CDK17: variants seen among roughly 807,000 people sequenced by gnomAD.
CDK17 encodes the protein cyclin dependent kinase 17, also known as cyclin-dependent kinase 17.
CDK17 carries 24 observed loss-of-function variants against 77.6 expected under a neutral mutation model. The ratio of observed to expected loss-of-function variants is 0.31; its 90% CI spans 0.22 to 0.44. The LOEUF is 0.44. CDK17 is among the 20% of genes least tolerant of loss of function. The pLI is 1.00. For synonymous variants in CDK17, 203 were observed against 210.4 expected (o/e 0.96, Z 0.30); for missense variants, 429 against 622.5 (o/e 0.69, Z 3.31).
At chr12:96,386,842 G>A (rs767027204) in intron 1 of CDK17, 1 of 163,952 alleles carries the variant, frequency 6.1e-6, no homozygotes, top group Non-Finnish European at 1.4e-5. Context: ...ATTACCACCA[G>A]GACCCCCTCT....
At position 96,289,405 on chromosome 12, in the gene CDK17, G is replaced by A; in HGVS notation, c.998-118C>T. 9 of 1,075,934 alleles carry A rather than the reference G, an allele frequency of 8.4e-6. No homozygotes were observed. In the South Asian group the frequency reaches 1.3e-4, roughly 16 times the overall value. 66.6% of individuals were successfully genotyped at this position (1,075,934 alleles called of 1,614,324 possible). A position where few individuals can be genotyped will look rare whatever the true frequency, so the allele number is the denominator to read the frequency against. On this transcript the variant is annotated intron_variant, in intron 10 of 16. Transcript: ENST00000261211. ...TGAAATGGTTAATTCGTAGCTTCTT[G>A]AGGCTTCACCACTATTAACTTTATG...
At chr12:96,337,095 T>C (rs896455064) in intron 1 of CDK17, among the ~76,000 whole-genome samples, 2 of 152,166 alleles carry the variant, frequency 1.3e-5, no homozygotes, top group African/African-American at 4.8e-5. Flanking sequence ...TAACAGTCTC[T>C]GTAGGAGCAG....
intron 10 of CDK17, among the ~76,000 whole-genome samples, chr12:96,292,992 T>C (rs1952346724): frequency 6.6e-6 from 1 of 152,202 alleles, no homozygotes; most frequent in African/African-American, 2.4e-5. Flanking sequence ...TTGAAAATTA[T>C]CAAAGACCTA....
intron 2 of CDK17, among the ~76,000 whole-genome samples, chr12:96,332,344 T>C (rs905027500): frequency 6.6e-6 from 1 of 152,238 alleles, no homozygotes; most frequent in Non-Finnish European, 1.5e-5. Context: ...GCTAGCATTA[T>C]GCTACTATTT....
At chr12:96,390,578 G>A (rs536101257) in intron 1 of CDK17, among the ~76,000 whole-genome samples, 2 of 149,584 alleles carry the variant, frequency 1.3e-5, no homozygotes, top group Non-Finnish European at 3.0e-5. Flanking sequence ...ACACAATGGC[G>A]TGCACCTGTA....
chr12:96,350,757 C>T (rs1440733453), intron 1 of CDK17, among the ~76,000 whole-genome samples: 1 of 152,100 alleles, frequency 6.6e-6, no homozygotes, highest in African/African-American at 2.4e-5. Flanking sequence ...AGAGTTAAAA[C>T]TGTAAAACTC....
intron 2 of CDK17, among the ~76,000 whole-genome samples, chr12:96,328,369 G>A (rs1952918021): frequency 6.6e-6 from 1 of 152,024 alleles, no homozygotes; most frequent in Non-Finnish European, 1.5e-5. Flanking sequence ...AATATACTAT[G>A]CTTGAATCAT....
At chr12:96,336,839 C>T (rs2137146710) in intron 1 of CDK17, among the ~76,000 whole-genome samples, 1 of 152,256 alleles carries the variant, frequency 6.6e-6, no homozygotes, top group South Asian at 2.1e-4. Context: ...AAATTCTCCA[C>T]CTCAGCATCT....
chr12:96,297,008 A>G (rs1225549668), intron 9 of CDK17, among the ~76,000 whole-genome samples: 1 of 152,140 alleles, frequency 6.6e-6, no homozygotes, highest in African/African-American at 2.4e-5. Flanking sequence ...ACCTGTACAT[A>G]TATTCTATAT....
intron 1 of CDK17, among the ~76,000 whole-genome samples, chr12:96,390,573 A>G (rs1388603939): frequency 1.3e-5 from 2 of 150,010 alleles, no homozygotes; most frequent in Admixed American, 6.6e-5. Context: ...GCCAGACACA[A>G]TGGCGTGCAC....
intron 1 of CDK17, among the ~76,000 whole-genome samples, chr12:96,397,267 C>T (rs1954187700): frequency 6.6e-6 from 1 of 151,808 alleles, no homozygotes; most frequent in South Asian, 2.1e-4. Context: ...CCCTGTGCTA[C>T]CGGGCAAATA....
chr12:96,288,169 T>A (rs563682760), intron 11 of CDK17, among the ~76,000 whole-genome samples: 16 of 152,298 alleles, frequency 1.1e-4, no homozygotes, highest in African/African-American at 3.4e-4. Context: ...CTTAAATTGG[T>A]TAAAATGATA....
chr12:96,389,286 T>C (rs777964395), intron 1 of CDK17, among the ~76,000 whole-genome samples: 3 of 152,054 alleles, frequency 2.0e-5, no homozygotes, highest in Non-Finnish European at 2.9e-5. Context: ...AGAGTTAAAA[T>C]AACGAGCTTA....
At chr12:96,373,495 G>C (rs1953726769) in intron 1 of CDK17, among the ~76,000 whole-genome samples, 1 of 152,204 alleles carries the variant, frequency 6.6e-6, no homozygotes, top group African/African-American at 2.4e-5. Context: ...TAGGGAGGCT[G>C]AGGCAGGGGA....
rs755180409 is a variant in CDK17 at position 96,297,283 on chromosome 12, A to G, written c.860T>C (p.Met287Thr). 3.7e-6 allele frequency: 6 copies of G among 1,609,832 alleles called. No homozygotes were observed. The highest frequency in any genetic ancestry group is 5.1e-6 in the Non-Finnish European group (6 of 1,177,218). Residue 287 changes from methionine (M) to threonine (T), a missense_variant, in exon 9 of 17, where the codon ATG becomes ACG. This residue lies in a region of CDK17 where 262 missense variants were observed against 385.4 expected (regional missense o/e 0.68). Transcript: ENST00000261211. ...AAGAAAACATACCTTTACGTTGTGCATACTCATGATGTTTCCACAGTCATC... is the reference window on the plus strand; with the variant it reads ...AAGAAAACATACCTTTACGTTGTGCGTACTCATGATGTTTCCACAGTCATC... Reference protein sequence around the residue: ...YMDDCGNIMSMHNVKLFLYQI... With the variant: ...YMDDCGNIMSTHNVKLFLYQI...
chr12:96,293,818 G>A (rs1442347437), intron 10 of CDK17, among the ~76,000 whole-genome samples: 5 of 152,082 alleles, frequency 3.3e-5, no homozygotes, highest in African/African-American at 7.2e-5. Flanking sequence ...CATCAACATC[G>A]ATCTCATCAG....
At position 96,327,378 on chromosome 12, in the gene CDK17, G is replaced by T. The variant is rs1043764103; in HGVS notation, c.119-3266C>A. Among the ~76,000 whole-genome samples, 3 of 149,004 alleles carry T rather than the reference G, an allele frequency of 2.0e-5. No homozygotes were observed. In the Admixed American group the frequency reaches 2.2e-4, roughly 11 times the overall value. On this transcript the variant is annotated intron_variant, in intron 2 of 16. Coordinates refer to ENST00000261211, the MANE Select transcript of CDK17 (RefSeq NM_002595.5). ...GTACCCTAAGTAACAAATGTTGGTG[G>T]CTTAGACTAGGGTGGCTGTACTGAA...
chr12:96,383,254 A>T (rs1953915646), intron 1 of CDK17, among the ~76,000 whole-genome samples: 1 of 152,162 alleles, frequency 6.6e-6, no homozygotes, highest in Non-Finnish European at 1.5e-5. Context: ...GCTGAAAGAA[A>T]TCAGTGATGA....
chr12:96,364,493 G>A (rs1201223671), intron 1 of CDK17, among the ~76,000 whole-genome samples: 1 of 152,034 alleles, frequency 6.6e-6, no homozygotes, highest in Non-Finnish European at 1.5e-5. Flanking sequence ...GACTAATGTC[G>A]CCAATCATCT....
Sources: gnomAD v4.1 joint callset for allele counts (sites outside exome capture counted in the v4.1 genomes callset) on GRCh38, gnomAD v4.1.1 for gene constraint, gnomAD v4.1.1 regional missense constraint, MANE v1.5 for transcripts, NCBI Gene and HGNC (gene_info 2026-07-23, HGNC 2026-07-21) for gene names.